Variants in OTUB2 observed in about 807,000 individuals in gnomAD.
OTUB2 encodes ubiquitin thioesterase OTUB2.
Under a neutral mutation model 25.1 loss-of-function variants are expected in OTUB2, and 21 were observed. That is an observed-to-expected ratio of 0.84 (90% CI 0.59 to 1.21). The LOEUF (loss-of-function observed/expected upper bound fraction) is 1.21. Ranked by LOEUF, OTUB2 falls within the 50% of genes most tolerant of loss-of-function variation. The pLI is 0.00. For synonymous variants in OTUB2, 122 were observed against 122.8 expected (o/e 0.99, Z 0.04); for missense variants, 283 against 298.0 (o/e 0.95, Z 0.37).
chr14:94,046,826 G>T lies in OTUB2; in HGVS notation c.*904G>T, dbSNP rs77570178. On this transcript the variant is annotated 3_prime_UTR_variant, in exon 6 of 6. Coordinates refer to ENST00000203664, the MANE Select transcript of OTUB2 (RefSeq NM_023112.4). ...ATGGACCCAGCTGAGCAGAGCAGAC[G>T]CTTTGCAGGCTGCCCCTGGCTTCTT... The T allele has an allele frequency of 9.9e-3, 1,511 of 152,798 alleles. 36 individuals are homozygous for T. Among genetic ancestry groups the T allele is most frequent in the East Asian group, 0.096 (497 of 5,184 alleles). 9.5% of individuals were successfully genotyped at this position (152,798 alleles called of 1,614,324 possible). A position where few individuals can be genotyped will look rare whatever the true frequency, so the allele number is the denominator to read the frequency against.
Position 94,044,814 on chromosome 14 carries a change from C to T in OTUB2, c.498+34C>T, listed in dbSNP as rs1001427009. 11 of 1,581,294 alleles carry T rather than the reference C, an allele frequency of 7.0e-6. No homozygotes were observed. In the East Asian group the frequency reaches 2.5e-4, roughly 36 times the overall value. On this transcript the variant is annotated intron_variant, in intron 5 of 5. Coordinates refer to ENST00000203664, the MANE Select transcript of OTUB2 (RefSeq NM_023112.4). ...TTGGGGTCTCAGCCCCAGCCCTGGG[C>T]TCTGCTCCTGTGGCCCTGTCCTGCA...
At position 94,041,150 on chromosome 14, in the gene OTUB2, G is replaced by A. The variant is rs576765983; in HGVS notation, c.218+2069G>A. Among the ~76,000 whole-genome samples, 5 of 152,358 alleles carry A rather than the reference G, an allele frequency of 3.3e-5. No individual in the cohort carries two copies. In the South Asian group the frequency reaches 1.0e-3, roughly 32 times the overall value. Reference sequence around the variant, plus strand: ...TGGGCAGGTCTAGACACCTGTGAAGGTGGCGAAAGGATTCGTGCCCGACTC... The same window carrying A: ...TGGGCAGGTCTAGACACCTGTGAAGATGGCGAAAGGATTCGTGCCCGACTC... On this transcript the variant is annotated intron_variant, in intron 3 of 5. Transcript: ENST00000203664.
Position 94,047,338 on chromosome 14 carries a change from A to G in OTUB2, c.*1416A>G, listed in dbSNP as rs1354478804. 6.6e-6 allele frequency: 1 copy of G among 152,128 alleles called. No individual in the cohort carries two copies. The highest frequency in any genetic ancestry group is 1.5e-5 in the Non-Finnish European group (1 of 68,022). The allele number at this position is 152,128 out of a possible 1,614,324, so 9.4% of individuals were successfully genotyped here. ...AGAGTCCTCTTGACACAAATGTCAG[A>G]TTTGTGTCACTCTTCTGCCTTCGTG... On this transcript the variant is annotated 3_prime_UTR_variant, in exon 6 of 6. Transcript: ENST00000203664.
chr14:94,026,627 C>G, intron 1 of OTUB2, 87 bp downstream of exon 1: 1 of 1,198,022 alleles, frequency 8.3e-7, no homozygotes, highest in Non-Finnish European at 1.0e-6. Context: ...ACCCGCGGGA[C>G]GGGGGTCGGA....
intron 4 of OTUB2, among the ~76,000 whole-genome samples, 170 bp downstream of exon 4, chr14:94,044,225 A>C (rs1885218925): frequency 6.6e-6 from 1 of 151,808 alleles, no homozygotes; most frequent in Admixed American, 6.6e-5. Context: ...CTATTCCCTC[A>C]CCCTATTCCA....
At chr14:94,035,312 CAG>C (rs1885034124) in intron 1 of OTUB2, among the ~76,000 whole-genome samples, 1 of 107,380 alleles carries the variant, frequency 9.3e-6, no homozygotes, top group South Asian at 3.3e-4. Flanking sequence ...TTTTTTGAGA[CAG>C]AGTCTCGCTC....
chr14:94,043,400 G>GCCAGGC (rs1405189851), intron 3 of OTUB2, among the ~76,000 whole-genome samples: 2 of 152,180 alleles, frequency 1.3e-5, no homozygotes, highest in Non-Finnish European at 2.9e-5. Context: ...TGGAGCCAGG[G>GCCAGGC]CCAGGCCCAG....
At chr14:94,030,579 G>T (rs566568529) in intron 1 of OTUB2, among the ~76,000 whole-genome samples, 2 of 152,072 alleles carry the variant, frequency 1.3e-5, no homozygotes, top group South Asian at 2.1e-4. Flanking sequence ...ACTGACCCGG[G>T]GGGGAAGCCT....
intron 1 of OTUB2, among the ~76,000 whole-genome samples, chr14:94,028,029 GAGGCGGT>G (rs1884895512): frequency 6.6e-6 from 1 of 152,258 alleles, no homozygotes; most frequent in African/African-American, 2.4e-5. Flanking sequence ...GAGCACAGCA[GAGGCGGT>G]AGCTGCTCTT....
At chr14:94,031,766 CG>C (rs1189241301) in intron 1 of OTUB2, among the ~76,000 whole-genome samples, 1 of 152,176 alleles carries the variant, frequency 6.6e-6, no homozygotes, top group Admixed American at 6.5e-5. Flanking sequence ...TATTCCTCCA[CG>C]CAAGCTGCTA....
intron 1 of OTUB2, among the ~76,000 whole-genome samples, chr14:94,030,820 G>GGGGA (rs199956906): frequency 5.3e-4 from 80 of 150,184 alleles, no homozygotes; most frequent in African/African-American, 1.8e-3. Flanking sequence ...GTGATGGGGA[G>GGGGA]GGTGGGGGCC....
chr14:94,039,360 C>G, intron 3 of OTUB2: 1 of 478,888 alleles, frequency 2.1e-6, no homozygotes. Context: ...TCGCAGGGAG[C>G]AGGTACTTCG....
chr14:94,044,172 C>A, intron 4 of OTUB2, 117 bp downstream of exon 4: 1 of 1,079,770 alleles, frequency 9.3e-7, no homozygotes, highest in Non-Finnish European at 1.4e-6. Flanking sequence ...ACAGAGGGTT[C>A]CTTCCTGCTT....
chr14:94,044,807 C>G (rs1281099924), intron 5 of OTUB2, 27 bp downstream of exon 5: 1 of 1,589,324 alleles, frequency 6.3e-7, no homozygotes, highest in South Asian at 1.1e-5. Flanking sequence ...TCAGCCCCAG[C>G]CCTGGGCTCT....
At chr14:94,035,326 G>C (rs554765278) in intron 1 of OTUB2, among the ~76,000 whole-genome samples, 2 of 114,994 alleles carry the variant, frequency 1.7e-5, no homozygotes, top group African/African-American at 7.0e-5. Flanking sequence ...GTCTCGCTCT[G>C]TCACCCAGGC....
rs182261599 is a variant in OTUB2 at position 94,033,153 on chromosome 14, G to A, written c.4-4227G>A. Among the ~76,000 whole-genome samples the A allele has an allele frequency of 4.9e-3, 745 of 151,986 alleles. 6 individuals are homozygous for A. Among genetic ancestry groups the A allele is most frequent in the Non-Finnish European group, 8.1e-3 (553 of 67,936 alleles). ...TCTTGAACTCCTGACCTCGTGATCC[G>A]CCCGCCTCAGCCTCCCAAAGTGCTA... On this transcript the variant is annotated intron_variant, in intron 1 of 5. Transcript: ENST00000203664.
chr14:94,040,586 G>A (rs977766800), intron 3 of OTUB2, among the ~76,000 whole-genome samples: 4 of 152,172 alleles, frequency 2.6e-5, no homozygotes, highest in African/African-American at 4.8e-5. Context: ...TAAGCCCAGC[G>A]CCTGCATTTC....
At chr14:94,030,572 G>C (rs1884941560) in intron 1 of OTUB2, among the ~76,000 whole-genome samples, 1 of 150,208 alleles carries the variant, frequency 6.7e-6, no homozygotes, top group Admixed American at 6.6e-5. Flanking sequence ...GCTAATAACT[G>C]ACCCGGGGGG....
At chr14:94,026,635 G>A in intron 1 of OTUB2, 95 bp downstream of exon 1, 1 of 1,177,308 alleles carries the variant, frequency 8.5e-7, no homozygotes, top group Non-Finnish European at 1.1e-6. Context: ...GACGGGGGTC[G>A]GACGCGAGGC....
Sources: allele counts gnomAD v4.1 joint callset (sites outside exome capture counted in the v4.1 genomes callset), GRCh38; gene constraint gnomAD v4.1.1; transcripts MANE v1.5; gene names NCBI Gene and HGNC (gene_info 2026-07-23, HGNC 2026-07-21).